The following TAB1 variants were observed in gnomAD, a reference collection of about 807,000 sequenced individuals.
The protein encoded by TAB1 is TGF-beta-activated kinase 1 and MAP3K7-binding protein 1.
Under a neutral mutation model 54.5 loss-of-function variants are expected in TAB1, and 30 were observed. That is an observed-to-expected ratio of 0.55 (90% CI 0.41 to 0.75). The LOEUF is 0.75. Among genes scored for constraint, TAB1 ranks in the 30% least tolerant of loss-of-function variants. The pLI is 0.00. For synonymous variants in TAB1, 289 were observed against 286.9 expected, an observed-to-expected ratio of 1.01 and a Z score of -0.07; for missense variants, 609 against 683.2, an observed-to-expected ratio of 0.89 and a Z score of 1.21.
At chr22:39,437,057 A>T (rs953747303), downstream of TAB1, 1 of 154,234 alleles carries the variant, frequency 6.5e-6, no homozygotes, top group African/African-American at 2.4e-5. Flanking sequence ...TGCAAAAAAA[A>T]AATTAAAATT....
At chr22:39,428,205 C>T (rs766801958) in intron 10 of TAB1, 22 bp downstream of exon 10, 5 of 1,526,752 alleles carry the variant, frequency 3.3e-6, no homozygotes, top group Middle Eastern at 2.0e-4. Context: ...CCCCACTGAG[C>T]CACCCCCAGC....
intron 8 of TAB1, among the ~76,000 whole-genome samples, chr22:39,424,673 C>T (rs997904215): frequency 6.6e-6 from 1 of 152,064 alleles, no homozygotes; most frequent in Non-Finnish European, 1.5e-5. Context: ...ATCTTGAACT[C>T]GTAACCTCAG....
chr22:39,404,598 A>G (rs1166342370), intron 1 of TAB1, among the ~76,000 whole-genome samples: 2 of 152,020 alleles, frequency 1.3e-5, no homozygotes, highest in African/African-American at 4.8e-5. Context: ...CTTAAAATCA[A>G]TTTTTTAAAC....
intron 1 of TAB1, among the ~76,000 whole-genome samples, chr22:39,411,240 A>T (rs1018789893): frequency 6.6e-6 from 1 of 152,220 alleles, no homozygotes; most frequent in Non-Finnish European, 1.5e-5. Flanking sequence ...GTAACTTGGG[A>T]CTGGACAGAG....
chr22:39,409,389 A>G lies in TAB1; in HGVS notation c.34-5617A>G, dbSNP rs144262197. Among the ~76,000 whole-genome samples, 41 of 152,372 alleles carry G rather than the reference A, an allele frequency of 2.7e-4. 1 individual carries two copies. In the East Asian group the frequency reaches 6.9e-3, roughly 26 times the overall value. On this transcript the variant is annotated intron_variant, in intron 1 of 10. Coordinates refer to ENST00000216160, the MANE Select transcript of TAB1 (RefSeq NM_006116.3). ...TAGGGGATAATTGGCAACATTTATC[A>G]GTTACCTGAAGAATACTTAATTCAC...
At chr22:39,402,427 C>G (rs149247512) in intron 1 of TAB1, among the ~76,000 whole-genome samples, 2 of 152,280 alleles carry the variant, frequency 1.3e-5, no homozygotes, top group African/African-American at 2.4e-5. Flanking sequence ...CCTGATTGGT[C>G]TGGGTCAGTG....
Position 39,416,895 on chromosome 22 carries a change from C to T in TAB1, c.411+18C>T, listed in dbSNP as rs1926857141. 1 of 1,613,066 alleles carries T rather than the reference C, an allele frequency of 6.2e-7. No homozygotes were observed. Among genetic ancestry groups the T allele is most frequent in the Non-Finnish European group, 8.5e-7 (1 of 1,179,136 alleles). On this transcript the variant is annotated intron_variant, in intron 4 of 10. Coordinates refer to ENST00000216160, the MANE Select transcript of TAB1 (RefSeq NM_006116.3). ...TGCCAGAGGTAATTTCCCCAGCCGA[C>T]ACCCAGGGGAGTCAAGTCCAGGCCC...
intron 7 of TAB1, 79 bp from the exon 8 acceptor site, chr22:39,421,748 G>T: frequency 6.8e-7 from 1 of 1,470,550 alleles, no homozygotes. Context: ...TCTGGGCATA[G>T]ATTCCTCCCC....
At chr22:39,417,020 G>C in intron 4 of TAB1, 143 bp downstream of exon 4, 1 of 763,860 alleles carries the variant, frequency 1.3e-6, no homozygotes, top group Non-Finnish European at 2.2e-6. Flanking sequence ...CTGGTGTGTG[G>C]CCACAGGTGA....
intron 1 of TAB1, among the ~76,000 whole-genome samples, chr22:39,411,826 A>G (rs961338958): frequency 6.6e-6 from 1 of 152,238 alleles, no homozygotes; most frequent in Non-Finnish European, 1.5e-5. Flanking sequence ...AACAGCCCAA[A>G]TGTCCTTCAG....
At chr22:39,407,218 T>C (rs1267626417) in intron 1 of TAB1, among the ~76,000 whole-genome samples, 2 of 152,244 alleles carry the variant, frequency 1.3e-5, no homozygotes, top group Admixed American at 6.5e-5. Context: ...GCTCATCTTC[T>C]CTTGGGTATA....
chr22:39,424,237 C>A lies in TAB1; in HGVS notation c.921+2266C>A, dbSNP rs377083966. On this transcript the variant is annotated intron_variant, in intron 8 of 10. Coordinates refer to ENST00000216160, the MANE Select transcript of TAB1 (RefSeq NM_006116.3). ...TATAGATACATTTTCTTTATCTGCT[C>A]ATTAGTCAATGGCCACTTAGGCTGG... is the stretch of plus-strand genomic sequence containing the variant. 5.3e-5 allele frequency among the ~76,000 whole-genome samples: 8 copies of A among 152,286 alleles called. 1 individual carries two copies. The South Asian group carries it at 1.7e-3, about 32-fold the overall frequency.
intron 1 of TAB1, among the ~76,000 whole-genome samples, chr22:39,402,444 T>G (rs5750815): frequency 6.6e-6 from 1 of 152,120 alleles, no homozygotes; most frequent in African/African-American, 2.4e-5. Flanking sequence ...AGTGGAGGTT[T>G]GCAGGAATGG....
In TAB1 at chr22:39,402,567, A is replaced by G. The variant is rs1926193619; in HGVS notation, c.33+2732A>G. 2.0e-5 allele frequency among the ~76,000 whole-genome samples: 3 copies of G among 152,214 alleles called. No individual in the cohort carries two copies. In the South Asian group the frequency reaches 6.2e-4, roughly 32 times the overall value. On this transcript the variant is annotated intron_variant, in intron 1 of 10. Coordinates refer to ENST00000216160, the MANE Select transcript of TAB1 (RefSeq NM_006116.3). ...AAGCAAAAAGCTTTTTTGTGGGTGT[A>G]TGGGGAAGACAGGATCTCACTGTCA...
In TAB1 at chr22:39,419,595, G is replaced by A. The variant is rs1926983312; in HGVS notation, c.741G>A (p.Lys247=). 6.2e-7 allele frequency: 1 copy of A among 1,612,682 alleles called. No homozygotes were observed. Among genetic ancestry groups the A allele is most frequent in the African/African-American group, 1.3e-5 (1 of 74,886 alleles). The change falls in exon 7 of 11, where the codon AAG becomes AAA. Residue 247 remains lysine, a synonymous_variant. Coordinates refer to ENST00000216160, the MANE Select transcript of TAB1 (RefSeq NM_006116.3). ...GCACCCGGCGGATCGGGGATTACAA[G>A]GTTAAATATGGCTACACGGACATTG... ...QESTRRIGDY[K]VKYGYTDIDL...
chr22:39,419,509 C>A lies in TAB1; in HGVS notation c.665-10C>A, dbSNP rs761999134. 2 of 1,592,404 alleles carry A rather than the reference C, an allele frequency of 1.3e-6. No homozygotes were observed. The highest frequency in any genetic ancestry group is 1.1e-5 in the South Asian group (1 of 89,718). On this transcript the variant is annotated splice_polypyrimidine_tract_variant and intron_variant, in intron 6 of 10. Transcript: ENST00000216160. ...AAGAAGCAGGATTGTTGCACTGTTTCCCTCCGTAGGCTTGGATGCTGGAAA... is the reference window on the plus strand; with the variant it reads ...AAGAAGCAGGATTGTTGCACTGTTTACCTCCGTAGGCTTGGATGCTGGAAA...
At chr22:39,414,273 G>A (rs1169282551) in intron 1 of TAB1, among the ~76,000 whole-genome samples, 1 of 152,192 alleles carries the variant, frequency 6.6e-6, no homozygotes, top group Non-Finnish European at 1.5e-5. Flanking sequence ...TCATGTGGAG[G>A]CAAAGAGCAG....
rs762306737 is a variant in TAB1 at position 39,416,896 on chromosome 22, A to C, written c.411+19A>C. The C allele has an allele frequency of 2.5e-6, 4 of 1,613,182 alleles. No individual in the cohort carries two copies. The highest frequency in any genetic ancestry group is 3.4e-6 in the Non-Finnish European group (4 of 1,179,130). On this transcript the variant is annotated intron_variant, in intron 4 of 10. Coordinates refer to ENST00000216160, the MANE Select transcript of TAB1 (RefSeq NM_006116.3). Reference sequence around the variant, plus strand: ...GCCAGAGGTAATTTCCCCAGCCGACACCCAGGGGAGTCAAGTCCAGGCCCA... The same window carrying C: ...GCCAGAGGTAATTTCCCCAGCCGACCCCCAGGGGAGTCAAGTCCAGGCCCA...
At chr22:39,425,696 G>A (rs1401755721) in intron 8 of TAB1, among the ~76,000 whole-genome samples, 3 of 151,346 alleles carry the variant, frequency 2.0e-5, no homozygotes, top group Admixed American at 1.3e-4. Flanking sequence ...ACAGGCACCC[G>A]CCACCACGCC....
Sources: allele counts gnomAD v4.1 joint callset (sites outside exome capture counted in the v4.1 genomes callset), GRCh38; gene constraint gnomAD v4.1.1; transcripts MANE v1.5; gene names NCBI Gene and HGNC (gene_info 2026-07-23, HGNC 2026-07-21).